Variants in UBE2L3 observed in about 807,000 individuals in gnomAD.
The protein encoded by UBE2L3 is ubiquitin-conjugating enzyme E2 L3.
In UBE2L3, 1 loss-of-function variant was observed where a neutral mutation model predicts 17.8. The ratio of observed to expected loss-of-function variants is 0.06; its 90% CI spans 0.02 to 0.27. The LOEUF is 0.27. Ranked by LOEUF, UBE2L3 falls within the 10% of genes least tolerant of loss-of-function variation. The pLI, the probability that UBE2L3 is intolerant of heterozygous loss-of-function variation, is 1.00. For synonymous variants in UBE2L3, 44 were observed against 68.5 expected (o/e 0.64, Z 1.76); for missense variants, 40 against 192.6 (o/e 0.21, Z 4.69).
At chr22:21,620,149 C>T (rs900770091) in intron 3 of UBE2L3, among the ~76,000 whole-genome samples, 1 of 151,952 alleles carries the variant, frequency 6.6e-6, no homozygotes, top group African/African-American at 2.4e-5. Context: ...AGGCCAGGAG[C>T]AGTGGCTAAC....
At position 21,621,960 on chromosome 22, in the gene UBE2L3, C is replaced by A; in HGVS notation, c.*291C>A. ...TTTCTTGTCCAATTTTATCCAAAAT[C>A]TTCAAGTTACATTTAACCCATAAGG... On this transcript the variant is annotated 3_prime_UTR_variant, in exon 4 of 4. Coordinates refer to ENST00000342192, the MANE Select transcript of UBE2L3 (RefSeq NM_003347.4). 3.1e-6 allele frequency: 1 copy of A among 327,418 alleles called. No homozygotes were observed. The highest frequency in any genetic ancestry group is 5.5e-6 in the Non-Finnish European group (1 of 181,658). The allele number at this position is 327,418 out of a possible 1,614,324, so 20.3% of individuals were successfully genotyped here.
intron 3 of UBE2L3, among the ~76,000 whole-genome samples, chr22:21,619,717 A>T (rs952008173): frequency 3.3e-5 from 5 of 152,168 alleles, no homozygotes; most frequent in Admixed American, 2.0e-4. Flanking sequence ...TTTGAGACAG[A>T]GTCTCGCTCT....
At chr22:21,563,241 C>CAA (rs34642040), upstream of UBE2L3, among the ~76,000 whole-genome samples, 15 of 54,404 alleles carry the variant, frequency 2.8e-4, no homozygotes, top group African/African-American at 7.1e-4. Context: ...GACTCCGTCT[C>CAA]AAAAAAAAAA....
rs937840525 is a variant in UBE2L3 at position 21,568,490 on chromosome 22, T to TG, written c.27+725dup. On this transcript the variant is annotated intron_variant, in intron 1 of 3. Coordinates refer to ENST00000342192, the MANE Select transcript of UBE2L3 (RefSeq NM_003347.4). ...CCCCTCCCTGATAAAGTGCCATTTTTGGGGGGATAACGGTTGATTTCAGTC... is the reference window on the plus strand; with the variant it reads ...CCCCTCCCTGATAAAGTGCCATTTTTGGGGGGGATAACGGTTGATTTCAGTC... 3.9e-5 allele frequency: 37 copies of TG among 945,876 alleles called. No individual in the cohort carries two copies. The African/African-American group carries it at 6.2e-4, about 16-fold the overall frequency. 58.6% of individuals were successfully genotyped at this position (945,876 alleles called of 1,614,324 possible). A position where few individuals can be genotyped will look rare whatever the true frequency, so the allele number is the denominator to read the frequency against.
intron 1 of UBE2L3, among the ~76,000 whole-genome samples, chr22:21,555,659 CTG>C (rs1340870983): frequency 6.6e-6 from 1 of 151,856 alleles, no homozygotes; most frequent in Non-Finnish European, 1.5e-5. Flanking sequence ...AGGCTGGGCG[CTG>C]TGACTCATGC....
intron 2 of UBE2L3, among the ~76,000 whole-genome samples, chr22:21,603,793 C>T (rs1229922338): frequency 2.0e-5 from 3 of 148,328 alleles, no homozygotes; most frequent in Admixed American, 6.8e-5. Context: ...GCCGAGATTG[C>T]GCCACTGCAC....
intron 2 of UBE2L3, among the ~76,000 whole-genome samples, chr22:21,610,538 CA>C (rs1332463993): frequency 6.6e-6 from 1 of 152,126 alleles, no homozygotes; most frequent in Non-Finnish European, 1.5e-5. Context: ...TGTTCAGGGG[CA>C]GGGGGTATTT....
upstream of UBE2L3, chr22:21,567,575 A>T: frequency 7.0e-7 from 1 of 1,429,994 alleles, no homozygotes; most frequent in African/African-American, 1.4e-5. Flanking sequence ...TGTGCGGTTC[A>T]CTTGCGTTCC....
At chr22:21,574,958 C>CT (rs1491386286) in intron 1 of UBE2L3, among the ~76,000 whole-genome samples, 2 of 130,588 alleles carry the variant, frequency 1.5e-5, no homozygotes, top group Non-Finnish European at 3.0e-5. Context: ...GAGTGAGACT[C>CT]TGTCTCAAAA....
chr22:21,574,190 G>A (rs879294998), intron 1 of UBE2L3, among the ~76,000 whole-genome samples: 1 of 152,174 alleles, frequency 6.6e-6, no homozygotes. Context: ...CTATAAGAAA[G>A]GGAGGAAGGG....
intron 1 of UBE2L3, among the ~76,000 whole-genome samples, chr22:21,591,434 G>T (rs1234859460): frequency 1.3e-5 from 2 of 152,252 alleles, no homozygotes; most frequent in African/African-American, 4.8e-5. Flanking sequence ...ACTTGTGCCT[G>T]TTGCCTGCTA....
chr22:21,586,729 G>A (rs148819698), intron 1 of UBE2L3, among the ~76,000 whole-genome samples: 3,110 of 151,700 alleles, frequency 0.021, 61 homozygotes, highest in Non-Finnish European at 0.03. Context: ...CACCATGCCC[G>A]GCTAATTTTT....
At chr22:21,610,244 A>G (rs1929409829) in intron 2 of UBE2L3, among the ~76,000 whole-genome samples, 1 of 152,160 alleles carries the variant, frequency 6.6e-6, no homozygotes, top group African/African-American at 2.4e-5. Flanking sequence ...TCATGACCTA[A>G]TCACTTCCCA....
chr22:21,581,056 T>TA (rs983753743), intron 1 of UBE2L3, among the ~76,000 whole-genome samples: 1 of 91,848 alleles, frequency 1.1e-5, no homozygotes, highest in African/African-American at 3.1e-5. Context: ...GCCCGGCTAA[T>TA]TTTTTTTTTT....
At chr22:21,604,296 C>CA (rs979711377) in intron 2 of UBE2L3, among the ~76,000 whole-genome samples, 2 of 151,994 alleles carry the variant, frequency 1.3e-5, no homozygotes, top group African/African-American at 4.8e-5. Flanking sequence ...CTCAGGAGTT[C>CA]AAGACCATCC....
At chr22:21,617,772 A>C (rs1929851334) in intron 3 of UBE2L3, among the ~76,000 whole-genome samples, 1 of 152,230 alleles carries the variant, frequency 6.6e-6, no homozygotes, top group Non-Finnish European at 1.5e-5. Flanking sequence ...CTTACTAGCA[A>C]AATAAGTTCA....
intron 3 of UBE2L3, among the ~76,000 whole-genome samples, chr22:21,614,199 A>G (rs944412439): frequency 6.6e-6 from 1 of 152,014 alleles, no homozygotes; most frequent in African/African-American, 2.4e-5. Context: ...TTCTGGTGCT[A>G]TTTCCTGACT....
chr22:21,612,660 T>TTTTTTTTTTTTTTTG (rs1929557374), intron 3 of UBE2L3, among the ~76,000 whole-genome samples: 1 of 122,094 alleles, frequency 8.2e-6, no homozygotes, highest in African/African-American at 3.3e-5. Flanking sequence ...TTTTTTTTTT[T>TTTTTTTTTTTTTTTG]TTTTTTTTTT....
chr22:21,593,504 C>T (rs1027882381), intron 2 of UBE2L3, among the ~76,000 whole-genome samples: 1 of 152,172 alleles, frequency 6.6e-6, no homozygotes, highest in Non-Finnish European at 1.5e-5. Flanking sequence ...TCTGCCCCCA[C>T]AGCCCAGCTC....
Sources: allele counts gnomAD v4.1 joint callset (sites outside exome capture counted in the v4.1 genomes callset), GRCh38; gene constraint gnomAD v4.1.1; transcripts MANE v1.5; gene names NCBI Gene and HGNC (gene_info 2026-07-23, HGNC 2026-07-21).